Variants in MYO5B observed in about 807,000 individuals in gnomAD.
MYO5B encodes myosin VB.
Under a neutral mutation model 229.3 loss-of-function variants are expected in MYO5B, and 143 were observed. The observed-to-expected ratio is 0.62, with a 90% confidence interval of 0.54 to 0.72. MYO5B has a LOEUF of 0.72. Ranked by LOEUF, MYO5B falls within the 30% of genes least tolerant of loss-of-function variation. The pLI, the probability that MYO5B is intolerant of heterozygous loss-of-function variation, is 0.00. For missense variants in MYO5B, 2,321 were observed against 2,331.0 expected (o/e 1.00, Z 0.09); for synonymous variants, 918 against 885.2 (o/e 1.04, Z -0.66).
chr18:50,156,382 A>G (rs2144312274), intron 1 of MYO5B, among the ~76,000 whole-genome samples: 1 of 152,296 alleles, frequency 6.6e-6, no homozygotes, highest in South Asian at 2.1e-4. Flanking sequence ...TAACTGAATC[A>G]TGGGAGCAGT....
chr18:50,006,888 C>T (rs571011948), intron 4 of MYO5B, among the ~76,000 whole-genome samples: 1 of 152,292 alleles, frequency 6.6e-6, no homozygotes, highest in Non-Finnish European at 1.5e-5. Context: ...TCCTGAGGAG[C>T]ATAATTTGTC....
intron 1 of MYO5B, among the ~76,000 whole-genome samples, chr18:50,063,590 GAAGA>G (rs956517855): frequency 7.0e-4 from 106 of 152,336 alleles, no homozygotes; most frequent in African/African-American, 2.4e-3. Context: ...AAAAAGCAGA[GAAGA>G]AAGAGTCGCT....
intron 1 of MYO5B, among the ~76,000 whole-genome samples, chr18:50,140,954 G>A (rs913172756): frequency 1.3e-5 from 2 of 152,200 alleles, no homozygotes. Flanking sequence ...GCAAAGATGT[G>A]TGACAATACT....
At chr18:49,827,545 C>A (rs762412906) in intron 39 of MYO5B, among the ~76,000 whole-genome samples, 1 of 152,192 alleles carries the variant, frequency 6.6e-6, no homozygotes, top group Non-Finnish European at 1.5e-5. Flanking sequence ...GAAAAATTCA[C>A]TAGAGAAGTT....
chr18:50,058,316 G>T (rs1471362364), intron 1 of MYO5B, among the ~76,000 whole-genome samples: 1 of 151,814 alleles, frequency 6.6e-6, no homozygotes, highest in East Asian at 1.9e-4. Context: ...ACTTAAAAAA[G>T]AAAATTAGCC....
At chr18:50,004,675 G>C (rs552323382) in intron 4 of MYO5B, among the ~76,000 whole-genome samples, 8 of 152,314 alleles carry the variant, frequency 5.3e-5, no homozygotes, top group African/African-American at 1.9e-4. Flanking sequence ...GGCTGAGGCA[G>C]GAGGATCATG....
intron 12 of MYO5B, 26 bp downstream of exon 12, chr18:49,962,240 G>C (rs755702203): frequency 1.2e-6 from 2 of 1,613,838 alleles, no homozygotes; most frequent in East Asian, 4.5e-5. Context: ...CCCTAGAATT[G>C]AACTAATTTG....
intron 1 of MYO5B, among the ~76,000 whole-genome samples, chr18:50,088,956 C>A (rs1466439461): frequency 6.6e-6 from 1 of 152,004 alleles, no homozygotes; most frequent in African/African-American, 2.4e-5. Context: ...TTGTGAATAT[C>A]ATCTAAGGGG....
chr18:49,966,366 C>G (rs1487830581), intron 10 of MYO5B, among the ~76,000 whole-genome samples: 1 of 152,108 alleles, frequency 6.6e-6, no homozygotes, highest in Non-Finnish European at 1.5e-5. Flanking sequence ...AGGAGGCCAC[C>G]CCTGTGCACT....
intron 2 of MYO5B, 152 bp downstream of exon 2, chr18:50,055,116 A>G (rs1011669917): frequency 5.8e-5 from 38 of 651,072 alleles, no homozygotes; most frequent in Non-Finnish European, 9.5e-5. Flanking sequence ...TTTCACATAC[A>G]TCAATAGCAA....
intron 26 of MYO5B, among the ~76,000 whole-genome samples, chr18:49,873,668 G>A (rs1267426183): frequency 6.6e-6 from 1 of 152,204 alleles, no homozygotes; most frequent in African/African-American, 2.4e-5. Flanking sequence ...ATGATATTGA[G>A]TACATTACAT....
intron 9 of MYO5B, among the ~76,000 whole-genome samples, chr18:49,976,376 G>A (rs2025750690): frequency 6.6e-6 from 1 of 152,074 alleles, no homozygotes; most frequent in African/African-American, 2.4e-5. Flanking sequence ...CAGAATAATA[G>A]AATCCAAAAT....
At chr18:49,984,902 A>G in intron 7 of MYO5B, 77 bp from the exon 8 acceptor site, 2 of 1,051,370 alleles carry the variant, frequency 1.9e-6, no homozygotes, top group Non-Finnish European at 3.0e-6. Context: ...TGAAAATTCT[A>G]CTCCGTTAGC....
intron 34 of MYO5B, 41 bp downstream of exon 34, chr18:49,843,200 C>T (rs778043393): frequency 6.2e-7 from 1 of 1,612,068 alleles, no homozygotes; most frequent in African/African-American, 1.3e-5. Flanking sequence ...TGGCTTCACT[C>T]TACCCACCAC....
At chr18:49,920,193 G>A (rs1046531343) in intron 17 of MYO5B, among the ~76,000 whole-genome samples, 1 of 152,152 alleles carries the variant, frequency 6.6e-6, no homozygotes, top group African/African-American at 2.4e-5. Context: ...TTCCTTTTGG[G>A]GTGATAAAAA....
chr18:49,976,061 T>G (rs76161694), intron 9 of MYO5B, among the ~76,000 whole-genome samples: 120 of 152,308 alleles, frequency 7.9e-4, no homozygotes, highest in African/African-American at 2.8e-3. Flanking sequence ...CTGTTTTTCA[T>G]TCCCTCAACT....
intron 1 of MYO5B, among the ~76,000 whole-genome samples, chr18:50,189,150 G>A (rs1007664172): frequency 3.9e-5 from 6 of 152,220 alleles, no homozygotes; most frequent in African/African-American, 1.4e-4. Context: ...AAGCCCTTGA[G>A]ATTCTCAACA....
Position 49,906,158 on chromosome 18 carries a change from A to G in MYO5B, c.2414+261T>C, listed in dbSNP as rs148714267. On this transcript the variant is annotated intron_variant, in intron 19 of 39. Coordinates refer to ENST00000285039, the MANE Select transcript of MYO5B (RefSeq NM_001080467.3). ...AAGGGGAAATGGTTGGTTTGTGGCA[A>G]AACCAGCTGGTTCTAATGCTGGTAG... 1.6e-3 allele frequency among the ~76,000 whole-genome samples: 250 copies of G among 152,260 alleles called. 2 individuals are homozygous for G. Among genetic ancestry groups the G allele is most frequent in the Middle Eastern group, 0.01 (3 of 294 alleles).
intron 23 of MYO5B, 85 bp from the exon 24 acceptor site, chr18:49,879,175 T>C: frequency 6.4e-7 from 1 of 1,564,210 alleles, no homozygotes; most frequent in Admixed American, 1.7e-5. Context: ...AATCTCTTGT[T>C]AAGAGGCTGC....
Sources: gnomAD v4.1 joint callset for allele counts (sites outside exome capture counted in the v4.1 genomes callset) on GRCh38, gnomAD v4.1.1 for gene constraint, MANE v1.5 for transcripts, NCBI Gene and HGNC (gene_info 2026-07-23, HGNC 2026-07-21) for gene names.